ZNF391: variants seen among roughly 807,000 people sequenced by gnomAD.
ZNF391 encodes the protein zinc finger protein 391.
For missense variants in ZNF391, 375 were observed against 425.5 expected (o/e 0.88, Z 1.04); for synonymous variants, 126 against 142.1 (o/e 0.89, Z 0.80).
In ZNF391 at chr6:27,400,459, G is replaced by A; in HGVS notation, c.89G>A (p.Cys30Tyr). 1.9e-6 allele frequency: 3 copies of A among 1,614,158 alleles called. No homozygotes were observed. The highest frequency in any genetic ancestry group is 2.2e-5 in the South Asian group (2 of 91,076). Residue 30 changes from cysteine to tyrosine, a missense_variant, in exon 3 of 3, where the codon TGT becomes TAT. By Grantham distance (194) the Cys-to-Tyr change is radical. Coordinates refer to ENST00000244576, the MANE Select transcript of ZNF391 (RefSeq NM_001076781.3). ...NEGQLSRQTK[C>Y]PAQKKSSFEN... The stretch of plus-strand genomic sequence containing the variant: ...GGCCAATTATCAAGGCAAACAAAAT[G>A]TCCTGCACAGAAGAAATCCTCTTTT...
chr6:27,384,112 T>C (rs1305048486), upstream of ZNF391, among the ~76,000 whole-genome samples: 1 of 152,204 alleles, frequency 6.6e-6, no homozygotes, highest in Non-Finnish European at 1.5e-5. Context: ...GAAATGTTAA[T>C]ATAACTTCTT....
chr6:27,381,260 G>A (rs1208570974), intron 1 of ZNF391, among the ~76,000 whole-genome samples: 2 of 152,258 alleles, frequency 1.3e-5, no homozygotes, highest in African/African-American at 4.8e-5. Context: ...AGCGCCGGTG[G>A]GCTAGCACTG....
chr6:27,389,193 C>T (rs1561810277), intron 1 of ZNF391, 118 bp downstream of exon 1: 2 of 456,620 alleles, frequency 4.4e-6, no homozygotes, highest in Non-Finnish European at 4.4e-6. Context: ...ACGGTTGGGA[C>T]GCCGCGTGGC....
At chr6:27,387,752 G>A (rs1467887695), upstream of ZNF391, among the ~76,000 whole-genome samples, 1 of 152,198 alleles carries the variant, frequency 6.6e-6, no homozygotes, top group Non-Finnish European at 1.5e-5. Context: ...AATAGAGACT[G>A]CTCAATGGGC....
At position 27,388,818 on chromosome 6, in the gene ZNF391, G is replaced by A. The variant is rs528423366; in HGVS notation, c.-445G>A. On this transcript the variant is annotated 5_prime_UTR_variant, in exon 1 of 3. Transcript: ENST00000244576. The stretch of plus-strand genomic sequence containing the variant: ...TCAGGAGACTTAGGTCCAGGCGACT[G>A]CCCAGACAATGACTGGTCCCGCATA... 2.3e-6 allele frequency: 1 copy of A among 432,982 alleles called. No homozygotes were observed. The highest frequency in any genetic ancestry group is 4.5e-6 in the Non-Finnish European group (1 of 220,688). 26.8% of individuals were successfully genotyped at this position (432,982 alleles called of 1,614,324 possible). A position where few individuals can be genotyped will look rare whatever the true frequency, so the allele number is the denominator to read the frequency against.
At chr6:27,386,837 T>G (rs1430208072), upstream of ZNF391, among the ~76,000 whole-genome samples, 2 of 152,174 alleles carry the variant, frequency 1.3e-5, no homozygotes, top group East Asian at 3.8e-4. Flanking sequence ...GACAATGTAA[T>G]TTTCAAGTAT....
At chr6:27,380,418 G>C (rs1204296849) in intron 1 of ZNF391, among the ~76,000 whole-genome samples, 1 of 151,912 alleles carries the variant, frequency 6.6e-6, no homozygotes, top group Non-Finnish European at 1.5e-5. Context: ...CTCCCGGTGG[G>C]TTCGTGGTCT....
At chr6:27,382,593 A>G (rs1046985256) in intron 1 of ZNF391, among the ~76,000 whole-genome samples, 6 of 152,196 alleles carry the variant, frequency 3.9e-5, no homozygotes, top group African/African-American at 1.4e-4. Flanking sequence ...TGAAACAATG[A>G]TGATTAAGAT....
Position 27,401,057 on chromosome 6 carries a change from C to T in ZNF391, c.687C>T (p.Ala229=). The change falls in exon 3 of 3, where the codon GCC becomes GCT. Residue 229 remains alanine (A), a synonymous_variant. Coordinates refer to ENST00000244576, the MANE Select transcript of ZNF391 (RefSeq NM_001076781.3). ...ACAAATGTAATGAATGTGGGAAAGC[C>T]TTCGGTGACCGTTCAACCATAATTC... ...RPYKCNECGK[A]FGDRSTIIQH... 6.2e-7 allele frequency: 1 copy of T among 1,614,106 alleles called. No homozygotes were observed. The highest frequency in any genetic ancestry group is 1.1e-5 in the South Asian group (1 of 91,068).
intron 1 of ZNF391, among the ~76,000 whole-genome samples, chr6:27,381,842 G>A (rs574953524): frequency 1.3e-5 from 2 of 152,116 alleles, no homozygotes; most frequent in African/African-American, 2.4e-5. Context: ...AGACCAGCCT[G>A]GCCAACATGG....
At chr6:27,397,652 C>T (rs1010945550) in intron 1 of ZNF391, among the ~76,000 whole-genome samples, 3 of 152,042 alleles carry the variant, frequency 2.0e-5, no homozygotes, top group East Asian at 1.9e-4. Flanking sequence ...TTGTGTGAGA[C>T]GGAATCTCAC....
chr6:27,398,569 C>A (rs1761878180), intron 1 of ZNF391, among the ~76,000 whole-genome samples: 2 of 152,162 alleles, frequency 1.3e-5, no homozygotes, highest in Non-Finnish European at 2.9e-5. Context: ...GCTTTTTAAA[C>A]AAGAGTTGGC....
intron 1 of ZNF391, among the ~76,000 whole-genome samples, chr6:27,378,292 T>A: frequency 6.6e-6 from 1 of 152,168 alleles, no homozygotes; most frequent in East Asian, 1.9e-4. Context: ...CTAAACAGGC[T>A]TTGTGTGAGC....
chr6:27,402,892 G>A lies in ZNF391; in HGVS notation c.*1445G>A, dbSNP rs1193390985. Reference sequence around the variant, plus strand: ...CAGGTGTGAGCCACCACACCTGCCAGAAATCTTGTTTTTGATTGATATAAA... The same window carrying A: ...CAGGTGTGAGCCACCACACCTGCCAAAAATCTTGTTTTTGATTGATATAAA... On this transcript the variant is annotated 3_prime_UTR_variant, in exon 3 of 3. Coordinates refer to ENST00000244576, the MANE Select transcript of ZNF391 (RefSeq NM_001076781.3). 2.0e-5 allele frequency: 3 copies of A among 152,196 alleles called. No individual in the cohort carries two copies. Among genetic ancestry groups the A allele is most frequent in the African/African-American group, 7.2e-5 (3 of 41,458 alleles). The allele number at this position is 152,196 out of a possible 1,614,324, so 9.4% of individuals were successfully genotyped here.
In ZNF391 at chr6:27,402,055, T is replaced by C. The variant is rs536894418; in HGVS notation, c.*608T>C. 2 of 152,288 alleles carry C rather than the reference T, an allele frequency of 1.3e-5. No individual in the cohort carries two copies. The highest frequency in any genetic ancestry group is 1.9e-4 in the East Asian group (1 of 5,180). The allele number at this position is 152,288 out of a possible 1,614,324, so 9.4% of individuals were successfully genotyped here. A position where few individuals can be genotyped will look rare whatever the true frequency, so the allele number is the denominator to read the frequency against. ...AACAGATTTTTCTCATCTTCCTCCT[T>C]CTCTCACCTTTTTTGCAGTAGCATT... is the stretch of plus-strand genomic sequence containing the variant. On this transcript the variant is annotated 3_prime_UTR_variant, in exon 3 of 3. Coordinates refer to ENST00000244576, the MANE Select transcript of ZNF391 (RefSeq NM_001076781.3).
intron 1 of ZNF391, among the ~76,000 whole-genome samples, chr6:27,382,034 CAAAAA>C (rs58338028): frequency 1.1e-5 from 1 of 88,354 alleles, no homozygotes; most frequent in Non-Finnish European, 2.1e-5. Flanking sequence ...GACTCCATCT[CAAAAA>C]AAAAAAAAAA....
Position 27,401,498 on chromosome 6 carries a change from C to A in ZNF391, c.*51C>A. ...ATAAGAACACATATACCTAACCTCC[C>A]ACCACTGAAATATATATATTTCAAG... On this transcript the variant is annotated 3_prime_UTR_variant, in exon 3 of 3. Transcript: ENST00000244576. 7.5e-7 allele frequency: 1 copy of A among 1,327,640 alleles called. No individual in the cohort carries two copies. Among genetic ancestry groups the A allele is most frequent in the Non-Finnish European group, 1.0e-6 (1 of 967,958 alleles). The allele number at this position is 1,327,640 out of a possible 1,614,324, so 82.2% of individuals were successfully genotyped here.
intron 2 of ZNF391, among the ~76,000 whole-genome samples, chr6:27,400,037 C>T (rs193071085): frequency 5.5e-4 from 83 of 152,198 alleles, no homozygotes; most frequent in Admixed American, 1.2e-3. Context: ...TGCTCATTTC[C>T]ATTTGTTTGG....
At chr6:27,379,130 CAAGGTCATT>C in intron 1 of ZNF391, among the ~76,000 whole-genome samples, 1 of 152,186 alleles carries the variant, frequency 6.6e-6, no homozygotes, top group Non-Finnish European at 1.5e-5. Context: ...GCTAAAACTA[CAAGGTCATT>C]AACCCAACAA....
Sources: gnomAD v4.1 joint callset for allele counts (sites outside exome capture counted in the v4.1 genomes callset) on GRCh38, gnomAD v4.1.1 for gene constraint, MANE v1.5 for transcripts, NCBI Gene and HGNC (gene_info 2026-07-23, HGNC 2026-07-21) for gene names.